The following STK3 variants were observed in gnomAD, a reference collection of about 807,000 sequenced individuals.
STK3 encodes serine/threonine-protein kinase 3.
In STK3, 41 loss-of-function variants were observed where a neutral mutation model predicts 58.0. That is an observed-to-expected ratio of 0.71 (90% confidence interval 0.55 to 0.92). STK3 has a LOEUF of 0.92. STK3 is among the 40% of genes least tolerant of loss of function. STK3 has a pLI of 0.00. For synonymous variants in STK3, 170 were observed against 191.0 expected (o/e 0.89, Z 0.91); for missense variants, 479 against 602.7 (o/e 0.79, Z 2.15).
At chr8:98,692,986 A>C (rs1290223327) in intron 6 of STK3, among the ~76,000 whole-genome samples, 1 of 152,160 alleles carries the variant, frequency 6.6e-6, no homozygotes, top group Admixed American at 6.5e-5. Context: ...AGATATAATT[A>C]AGTTAAGAAT....
intron 1 of STK3, among the ~76,000 whole-genome samples, chr8:98,919,638 T>C (rs958035929): frequency 1.3e-5 from 2 of 152,198 alleles, no homozygotes; most frequent in African/African-American, 4.8e-5. Flanking sequence ...ACGTAAATTT[T>C]ACCTTAAACA....
At chr8:98,921,155 T>G (rs1839543610) in intron 1 of STK3, 1 of 152,214 alleles carries the variant, frequency 6.6e-6, no homozygotes, top group Non-Finnish European at 1.5e-5. Context: ...GTGTAATTAT[T>G]TGTCTACTAT....
chr8:98,772,631 G>A (rs751319035), intron 2 of STK3, among the ~76,000 whole-genome samples: 4 of 152,120 alleles, frequency 2.6e-5, no homozygotes, highest in Non-Finnish European at 5.9e-5. Context: ...CCCGGGAGAA[G>A]GATGCAGTGA....
rs546240251 is a variant in STK3, at chr8:98,426,552, C to T, written n.483+7575G>A. Among the ~76,000 whole-genome samples the T allele has an allele frequency of 2.6e-5, 4 of 152,248 alleles. No individual in the cohort carries two copies. The South Asian group carries it at 8.3e-4, about 32-fold the overall frequency. On this transcript the variant is annotated intron_variant and non_coding_transcript_variant, in intron 3 of 3. Transcript: ENST00000517832. ...AAGCCGATCTCCACCTTGGACTTCC[C>T]GGCCCCCTCTTTTCCCCTCCAGCTC... is the stretch of plus-strand genomic sequence containing the variant.
intron 7 of STK3, among the ~76,000 whole-genome samples, chr8:98,589,607 G>T (rs1268175084): frequency 1.3e-5 from 2 of 152,234 alleles, no homozygotes; most frequent in Non-Finnish European, 2.9e-5. Flanking sequence ...AGGCCTTCTT[G>T]AGCTGTGGTG....
intron 4 of STK3, among the ~76,000 whole-genome samples, chr8:98,748,780 T>C (rs556444162): frequency 1.6e-3 from 248 of 152,044 alleles, no homozygotes; most frequent in African/African-American, 5.6e-3. Context: ...TATAGAAATA[T>C]ATATATTTCT....
At chr8:98,488,878 A>G (rs1268725982) in intron 10 of STK3, among the ~76,000 whole-genome samples, 3 of 152,182 alleles carry the variant, frequency 2.0e-5, no homozygotes, top group Admixed American at 6.5e-5. Context: ...TATTGCAACT[A>G]CATGTAGCCC....
intron 6 of STK3, among the ~76,000 whole-genome samples, chr8:98,665,998 T>A (rs2130813364): frequency 6.6e-6 from 1 of 152,152 alleles, no homozygotes; most frequent in East Asian, 1.9e-4. Flanking sequence ...CCACCGCACC[T>A]GGCCCCATCC....
Position 98,840,638 on chromosome 8 carries a change from T to C in STK3, c.110+43009A>G, listed in dbSNP as rs552161385. On this transcript the variant is annotated intron_variant, in intron 3 of 12. Transcript: ENST00000523601. ...ATATATATATATATATACACACACA[T>C]ACGTTTTATATATATTTATATACAC... is the stretch of plus-strand genomic sequence containing the variant. 1.7e-3 allele frequency among the ~76,000 whole-genome samples: 209 copies of C among 125,326 alleles called. 3 individuals carry two copies. Among genetic ancestry groups the C allele is most frequent in the Admixed American group, 6.9e-3 (87 of 12,676 alleles). The allele number at this position is 125,326 out of a possible 152,430, so 82.2% of individuals were successfully genotyped here.
At chr8:98,614,300 T>G (rs1587015106) in intron 6 of STK3, among the ~76,000 whole-genome samples, 2 of 152,046 alleles carry the variant, frequency 1.3e-5, no homozygotes, top group South Asian at 2.1e-4. Flanking sequence ...ATCAACAAAT[T>G]TTAAAGAACT....
chr8:98,842,444 G>A (rs1459778171), intron 3 of STK3, among the ~76,000 whole-genome samples: 1 of 152,208 alleles, frequency 6.6e-6, no homozygotes, highest in Non-Finnish European at 1.5e-5. Flanking sequence ...GGGAGGCTGA[G>A]GCAGGCAGAC....
intron 4 of STK3, among the ~76,000 whole-genome samples, chr8:98,738,423 A>C (rs1437827308): frequency 1.3e-5 from 2 of 152,190 alleles, no homozygotes; most frequent in East Asian, 1.9e-4. Flanking sequence ...CAGTGAGCCA[A>C]GATCACGCCA....
At chr8:98,552,644 G>T (rs540438766) in intron 8 of STK3, among the ~76,000 whole-genome samples, 1 of 152,048 alleles carries the variant, frequency 6.6e-6, no homozygotes, top group African/African-American at 2.4e-5. Flanking sequence ...AGCTTTTTCT[G>T]ACCACCAATC....
chr8:98,798,235 A>G (rs752725228), intron 1 of STK3, among the ~76,000 whole-genome samples: 5 of 152,218 alleles, frequency 3.3e-5, no homozygotes, highest in Admixed American at 6.5e-5. Flanking sequence ...CTTTAAACAA[A>G]TAAGTCAAAG....
chr8:98,867,247 C>G (rs923300939), intron 3 of STK3, among the ~76,000 whole-genome samples: 3 of 152,024 alleles, frequency 2.0e-5, no homozygotes. Flanking sequence ...GAAACCCTGC[C>G]TCTACAAAAA....
chr8:98,453,745 C>T (rs1819307008), downstream of STK3, among the ~76,000 whole-genome samples: 1 of 152,162 alleles, frequency 6.6e-6, no homozygotes, highest in Non-Finnish European at 1.5e-5. Context: ...ATTTAGCAAA[C>T]TGAAGAGAAA....
intron 1 of STK3, among the ~76,000 whole-genome samples, chr8:98,894,907 A>G (rs1838391514): frequency 6.6e-6 from 1 of 152,194 alleles, no homozygotes; most frequent in African/African-American, 2.4e-5. Flanking sequence ...TTCAATAAAA[A>G]TCTGTTGAAT....
rs930053874 is a variant in STK3 at position 98,525,904 on chromosome 8, A to G, written c.1317+838T>C. ...TTAAATTTAAAAAATGTACATATTT[A>G]TATTTATCTAAAATTGTATTTACTT... On this transcript the variant is annotated intron_variant, in intron 10 of 10. Transcript: ENST00000419617. Among the ~76,000 whole-genome samples, 3 of 151,920 alleles carry G rather than the reference A, an allele frequency of 2.0e-5. No individual in the cohort carries two copies. In the South Asian group the frequency reaches 6.2e-4, roughly 31 times the overall value.
At chr8:98,382,694 C>T (rs1001937105) in intron 1 of STK3, among the ~76,000 whole-genome samples, 1 of 152,168 alleles carries the variant, frequency 6.6e-6, no homozygotes, top group African/African-American at 2.4e-5. Context: ...CACTCCCCTG[C>T]CTGGAAAGCG....
Sources: gnomAD v4.1 joint callset for allele counts (sites outside exome capture counted in the v4.1 genomes callset) on GRCh38, gnomAD v4.1.1 for gene constraint, MANE v1.5 for transcripts, NCBI Gene and HGNC (gene_info 2026-07-23, HGNC 2026-07-21) for gene names.